PIP4P2: variants seen among roughly 807,000 people sequenced by gnomAD.
PIP4P2 encodes the protein type 2 phosphatidylinositol 4,5-bisphosphate 4-phosphatase.
PIP4P2 carries 19 observed loss-of-function variants against 33.3 expected under a neutral mutation model. That is an observed-to-expected ratio of 0.57 (90% CI 0.40 to 0.84). PIP4P2 has a LOEUF of 0.84. Ranked by LOEUF, PIP4P2 falls within the 40% of genes least tolerant of loss-of-function variation. The probability of loss-of-function intolerance (pLI) is 0.00; values close to 1 mark genes in which losing one functional copy is unlikely to be tolerated. For missense variants in PIP4P2, 270 were observed against 324.7 expected (o/e 0.83, Z 1.29); for synonymous variants, 110 against 111.9 (o/e 0.98, Z 0.11).
Position 91,008,235 on chromosome 8 carries a change from T to C in PIP4P2, c.539+508A>G, listed in dbSNP as rs1030570964. Reference sequence around the variant, plus strand: ...TCTTCTATTATTTTTCATTTTATATTGTCATTATTTTCATTAGGTGCATCA... The same window carrying C: ...TCTTCTATTATTTTTCATTTTATATCGTCATTATTTTCATTAGGTGCATCA... On this transcript the variant is annotated intron_variant, in intron 5 of 6. Coordinates refer to ENST00000285419, the MANE Select transcript of PIP4P2 (RefSeq NM_018710.3). 1.4e-4 allele frequency among the ~76,000 whole-genome samples: 22 copies of C among 152,312 alleles called. No homozygotes were observed. In the South Asian group the frequency reaches 2.7e-3, roughly 19 times the overall value.
At chr8:90,996,553 G>C (rs1811631433) in intron 6 of PIP4P2, 101 bp downstream of exon 6, 1 of 889,698 alleles carries the variant, frequency 1.1e-6, no homozygotes, top group Non-Finnish European at 1.7e-6. Flanking sequence ...ATGCCAAGGA[G>C]GCAGCCTCTT....
intron 5 of PIP4P2, among the ~76,000 whole-genome samples, chr8:91,004,295 G>C (rs1811740353): frequency 6.6e-6 from 1 of 152,062 alleles, no homozygotes; most frequent in Non-Finnish European, 1.5e-5. Flanking sequence ...AGTTCCAGAA[G>C]AGTGAAAATT....
chr8:91,032,277 C>T (rs1586186762), intron 1 of PIP4P2, among the ~76,000 whole-genome samples: 1 of 152,236 alleles, frequency 6.6e-6, no homozygotes. Context: ...AAAAGGAACT[C>T]ACTTTACAAC....
chr8:91,004,569 G>A (rs1244200691), intron 5 of PIP4P2, among the ~76,000 whole-genome samples: 1 of 152,118 alleles, frequency 6.6e-6, no homozygotes, highest in Non-Finnish European at 1.5e-5. Context: ...TCAAAATATG[G>A]AATTTATTAT....
At position 91,040,649 on chromosome 8, in the gene PIP4P2, G is replaced by C; in HGVS notation, c.101C>G (p.Pro34Arg). Residue 34 changes from proline (P) to arginine (R), a missense_variant, in exon 1 of 7, where the codon CCC becomes CGC. Physicochemically the swap from Pro to Arg is moderately radical, Grantham distance 103. Transcript: ENST00000285419. ...GGGATCTACGCTGGCCTTACCTCTG[G>C]GGCTGCTTTCTTGCAAGTACGGTGG... ...TAPPYLQESS[P>R]RAELPPPYTA... 6.2e-7 allele frequency: 1 copy of C among 1,613,714 alleles called. No individual in the cohort carries two copies. Among genetic ancestry groups the C allele is most frequent in the Non-Finnish European group, 8.5e-7 (1 of 1,180,020 alleles).
In PIP4P2 at chr8:90,996,243, C is replaced by A. The variant is rs554674533; in HGVS notation, c.630+411G>T. Among the ~76,000 whole-genome samples, 5 of 152,148 alleles carry A rather than the reference C, an allele frequency of 3.3e-5. No homozygotes were observed. In the South Asian group the frequency reaches 1.0e-3, roughly 32 times the overall value. ...CAGTCTTCTCTAAAAACAAGCCATC[C>A]TCATATTGGTAATAAATCTCTGCTT... On this transcript the variant is annotated intron_variant, in intron 6 of 6. Coordinates refer to ENST00000285419, the MANE Select transcript of PIP4P2 (RefSeq NM_018710.3).
intron 4 of PIP4P2, chr8:91,016,879 G>T (rs1811922143): frequency 6.6e-6 from 1 of 152,252 alleles, no homozygotes; most frequent in African/African-American, 2.4e-5. Context: ...AAGAATGAAT[G>T]ATTTACACAT....
chr8:91,014,998 T>C (rs1811894453), intron 4 of PIP4P2, among the ~76,000 whole-genome samples: 1 of 152,082 alleles, frequency 6.6e-6, no homozygotes, highest in Admixed American at 6.6e-5. Context: ...TTCCCCAATA[T>C]ATTAAGAGAA....
rs1812297693 is a variant in PIP4P2, at chr8:91,040,830, G to A, written c.-81C>T. The A allele has an allele frequency of 8.2e-7, 1 of 1,217,660 alleles. No homozygotes were observed. The highest frequency in any genetic ancestry group is 2.0e-5 in the Admixed American group (1 of 49,716). The allele number at this position is 1,217,660 out of a possible 1,614,324, so 75.4% of individuals were successfully genotyped here. A position where few individuals can be genotyped will look rare whatever the true frequency, so the allele number is the denominator to read the frequency against. On this transcript the variant is annotated 5_prime_UTR_variant, in exon 1 of 7. Coordinates refer to ENST00000285419, the MANE Select transcript of PIP4P2 (RefSeq NM_018710.3). ...AGTGGTGGCTACTGCTGCTGCCTCT[G>A]CTGCCGCTGCTGCCGCTGCAGCTGC... is the stretch of plus-strand genomic sequence containing the variant.
chr8:90,994,399 G>A lies in PIP4P2; in HGVS notation c.*1278C>T, dbSNP rs981505238. The A allele has an allele frequency of 1.6e-4, 25 of 151,984 alleles. No individual in the cohort carries two copies. Among genetic ancestry groups the A allele is most frequent in the Admixed American group, 3.3e-4 (5 of 15,262 alleles). 9.4% of individuals were successfully genotyped at this position (151,984 alleles called of 1,614,324 possible). On this transcript the variant is annotated 3_prime_UTR_variant, in exon 7 of 7. Transcript: ENST00000285419. The stretch of plus-strand genomic sequence containing the variant: ...TTGCTTCAAATTCTGTGATGAGTAC[G>A]TTTTTATACTAATCAGTATCATAAA...
chr8:91,034,539 C>A (rs1384184241), intron 1 of PIP4P2, among the ~76,000 whole-genome samples: 3 of 152,208 alleles, frequency 2.0e-5, no homozygotes, highest in African/African-American at 7.2e-5. Flanking sequence ...GGAGCATTAG[C>A]ATTAGCATAG....
chr8:91,016,402 A>C (rs1323008727), intron 4 of PIP4P2, among the ~76,000 whole-genome samples: 1 of 152,190 alleles, frequency 6.6e-6, no homozygotes, highest in African/African-American at 2.4e-5. Flanking sequence ...ATGAAATTTC[A>C]GAACACTGAA....
At chr8:91,025,318 A>G (rs1437935024) in intron 1 of PIP4P2, among the ~76,000 whole-genome samples, 3 of 152,308 alleles carry the variant, frequency 2.0e-5, no homozygotes, top group South Asian at 2.1e-4. Context: ...TGATCTTTCT[A>G]AAACACTCAA....
intron 1 of PIP4P2, among the ~76,000 whole-genome samples, chr8:91,038,480 T>A (rs1264387907): frequency 1.3e-5 from 2 of 152,096 alleles, no homozygotes; most frequent in Non-Finnish European, 2.9e-5. Flanking sequence ...AGTGATAGAA[T>A]TTTTTTTACA....
chr8:91,007,605 T>G (rs1310751267), intron 5 of PIP4P2, among the ~76,000 whole-genome samples: 3 of 152,194 alleles, frequency 2.0e-5, no homozygotes, highest in Non-Finnish European at 4.4e-5. Flanking sequence ...TAACAATAAT[T>G]TTTTAAATTA....
intron 4 of PIP4P2, among the ~76,000 whole-genome samples, chr8:91,014,768 C>CACAT (rs1811890794): frequency 6.6e-6 from 1 of 150,604 alleles, no homozygotes; most frequent in Admixed American, 6.6e-5. Flanking sequence ...GACACACACA[C>CACAT]ACACACACAC....
intron 5 of PIP4P2, among the ~76,000 whole-genome samples, chr8:91,002,947 T>C (rs186005794): frequency 8.5e-5 from 13 of 152,224 alleles, no homozygotes; most frequent in African/African-American, 2.9e-4. Flanking sequence ...AACAAAGATA[T>C]CCCTAGAAAA....
At chr8:91,034,860 C>A (rs928603096) in intron 1 of PIP4P2, among the ~76,000 whole-genome samples, 8 of 152,106 alleles carry the variant, frequency 5.3e-5, no homozygotes, top group Non-Finnish European at 1.0e-4. Flanking sequence ...TAAAAGACTG[C>A]CAAAATGTAT....
intron 4 of PIP4P2, among the ~76,000 whole-genome samples, chr8:91,017,692 A>T (rs1029932388): frequency 6.6e-6 from 1 of 152,134 alleles, no homozygotes; most frequent in Non-Finnish European, 1.5e-5. Context: ...ACTCTGATAA[A>T]TATTTTTCAT....
Sources: allele counts gnomAD v4.1 joint callset (sites outside exome capture counted in the v4.1 genomes callset), GRCh38; gene constraint gnomAD v4.1.1; transcripts MANE v1.5; gene names NCBI Gene and HGNC (gene_info 2026-07-23, HGNC 2026-07-21).